Variants in DOCK5 observed in about 807,000 individuals in gnomAD.
DOCK5 encodes the protein dedicator of cytokinesis protein 5.
In DOCK5, 142 loss-of-function variants were observed where a neutral mutation model predicts 251.8. The ratio of observed to expected loss-of-function variants is 0.56; its 90% CI spans 0.49 to 0.65. The LOEUF (loss-of-function observed/expected upper bound fraction) is 0.65, where lower values mean the gene tolerates loss of function less well. Ranked by LOEUF, DOCK5 falls within the 30% of genes least tolerant of loss-of-function variation. DOCK5 has a pLI of 0.00. For missense variants in DOCK5, 2,111 were observed against 2,312.3 expected, an observed-to-expected ratio of 0.91 and a Z score of 1.79; for synonymous variants, 842 against 835.5, an observed-to-expected ratio of 1.01 and a Z score of -0.13.
intron 1 of DOCK5, among the ~76,000 whole-genome samples, chr8:25,234,736 A>G (rs1333900158): frequency 6.6e-6 from 1 of 152,204 alleles, no homozygotes; most frequent in African/African-American, 2.4e-5. Flanking sequence ...GAAATGGTGA[A>G]TGTATTAAAA....
intron 5 of DOCK5, among the ~76,000 whole-genome samples, chr8:25,281,872 C>G (rs1489947920): frequency 8.8e-6 from 1 of 113,868 alleles, no homozygotes; most frequent in African/African-American, 3.4e-5. Context: ...GAGGGAGACT[C>G]CGTTTAAAAA....
In DOCK5 at chr8:25,302,355, C is replaced by T. The variant is rs757595575; in HGVS notation, c.877C>T (p.Arg293Cys). Residue 293 changes from arginine (R) to cysteine (C), a missense_variant, in exon 10 of 52, where the codon CGC becomes TGC. By Grantham distance (180) the Arg-to-Cys change is radical. This residue lies in a region of DOCK5 where 59 missense variants were observed against 95.0 expected (regional missense o/e 0.62). Coordinates refer to ENST00000276440, the MANE Select transcript of DOCK5 (RefSeq NM_024940.8). The stretch of plus-strand genomic sequence containing the variant: ...TAGCAGCATGGACCTCATCCGGCCC[C>T]GCGTCAGCCTTGTGTGCCAGATTGT... ...DLSSMDLIRP[R>C]VSLVCQIVRV... 6.2e-6 allele frequency: 10 copies of T among 1,613,284 alleles called. No individual in the cohort carries two copies. The highest frequency in any genetic ancestry group is 2.2e-5 in the South Asian group (2 of 90,918).
chr8:25,326,570 T>A (rs891403139), intron 18 of DOCK5, among the ~76,000 whole-genome samples: 1 of 152,100 alleles, frequency 6.6e-6, no homozygotes, highest in Non-Finnish European at 1.5e-5. Context: ...GACAAAACCG[T>A]CAGCAACATA....
intron 2 of DOCK5, among the ~76,000 whole-genome samples, chr8:25,251,101 C>G (rs1803257480): frequency 6.6e-6 from 1 of 152,282 alleles, no homozygotes; most frequent in East Asian, 1.9e-4. Flanking sequence ...TGAGGTTCCT[C>G]TAGTGCTGGT....
intron 18 of DOCK5, 83 bp from the exon 19 acceptor site, chr8:25,332,168 G>C: frequency 9.7e-7 from 1 of 1,027,058 alleles, no homozygotes; most frequent in Non-Finnish European, 1.5e-6. Context: ...GCAATTACCT[G>C]TTCTAGAGAA....
chr8:25,277,857 A>C (rs1804087666), intron 4 of DOCK5, among the ~76,000 whole-genome samples: 1 of 152,126 alleles, frequency 6.6e-6, no homozygotes, highest in African/African-American at 2.4e-5. Flanking sequence ...GGTCTCCTAT[A>C]TTTTTCCTCA....
intron 26 of DOCK5, chr8:25,351,501 C>A (rs1210636092): frequency 4.2e-6 from 2 of 477,390 alleles, no homozygotes; most frequent in Non-Finnish European, 7.5e-6. Flanking sequence ...AGGCACTCAT[C>A]CCTGCACAGC....
intron 33 of DOCK5, 95 bp downstream of exon 33, chr8:25,368,820 T>C (rs1269307463): frequency 7.9e-7 from 1 of 1,264,948 alleles, no homozygotes; most frequent in Non-Finnish European, 1.1e-6. Context: ...ACCTTAATAA[T>C]GCAAGTCCAT....
intron 22 of DOCK5, among the ~76,000 whole-genome samples, chr8:25,338,583 T>A (rs1325507951): frequency 6.6e-6 from 1 of 152,310 alleles, no homozygotes; most frequent in African/African-American, 2.4e-5. Context: ...AAGTGGGCAG[T>A]GTTTTCCCCA....
intron 30 of DOCK5, 102 bp downstream of exon 30, chr8:25,364,806 G>A (rs1480074012): frequency 2.3e-6 from 2 of 863,950 alleles, no homozygotes; most frequent in African/African-American, 3.4e-5. Context: ...GTTTTCACAT[G>A]AAAAAGGTTT....
At chr8:25,280,028 G>A (rs1464637840) in intron 5 of DOCK5, among the ~76,000 whole-genome samples, 1 of 152,218 alleles carries the variant, frequency 6.6e-6, no homozygotes, top group Non-Finnish European at 1.5e-5. Context: ...GCCTCCCAAA[G>A]TGTTGGGATT....
intron 40 of DOCK5, 153 bp from the exon 41 acceptor site, chr8:25,388,938 C>T (rs1373991052): frequency 1.1e-5 from 7 of 663,164 alleles, no homozygotes; most frequent in Admixed American, 2.9e-5. Context: ...ATATGATGGT[C>T]GCTGTCAGGC....
chr8:25,259,732 A>T (rs1803521702), intron 2 of DOCK5, among the ~76,000 whole-genome samples: 1 of 152,072 alleles, frequency 6.6e-6, no homozygotes, highest in Non-Finnish European at 1.5e-5. Flanking sequence ...AAGTGGTGGG[A>T]TTACAGGTGT....
At chr8:25,332,781 T>G (rs890717508) in intron 20 of DOCK5, 89 bp downstream of exon 20, 3 of 952,400 alleles carry the variant, frequency 3.1e-6, no homozygotes, top group East Asian at 2.7e-5. Context: ...TGTGAATATC[T>G]TCTCACATAA....
At chr8:25,382,907 A>T (rs909159278) in intron 40 of DOCK5, 129 bp downstream of exon 40, 1 of 726,496 alleles carries the variant, frequency 1.4e-6, no homozygotes, top group Non-Finnish European at 2.2e-6. Flanking sequence ...GGGGAGGGAA[A>T]CCACTTCCTG....
chr8:25,237,107 C>T (rs963312511), intron 1 of DOCK5, among the ~76,000 whole-genome samples: 16 of 152,170 alleles, frequency 1.1e-4, no homozygotes, highest in African/African-American at 3.6e-4. Context: ...TGTCCCATGC[C>T]TGTAATCTGA....
At chr8:25,344,859 A>C (rs150685811) in intron 25 of DOCK5, among the ~76,000 whole-genome samples, 124 of 152,352 alleles carry the variant, frequency 8.1e-4, no homozygotes, top group African/African-American at 2.8e-3. Flanking sequence ...AGTTCTACTT[A>C]GAGTGTGATC....
rs1434857352 is a variant in DOCK5, at chr8:25,185,116, G to A, written c.43+165G>A. On this transcript the variant is annotated intron_variant, in intron 1 of 51. Transcript: ENST00000276440. ...ACGGTAGGAGTCCTCTCCAGGGAGCGCCGATGGGGAAGTCGCCCAGGGTTT... is the reference window on the plus strand; with the variant it reads ...ACGGTAGGAGTCCTCTCCAGGGAGCACCGATGGGGAAGTCGCCCAGGGTTT... Among the ~76,000 whole-genome samples the A allele has an allele frequency of 2.6e-5, 4 of 152,136 alleles. No homozygotes were observed. The East Asian group carries it at 7.7e-4, about 29-fold the overall frequency.
chr8:25,360,095 C>A (rs1800649938), intron 28 of DOCK5, among the ~76,000 whole-genome samples: 1 of 152,206 alleles, frequency 6.6e-6, no homozygotes, highest in Admixed American at 6.5e-5. Context: ...GTACTCCAGT[C>A]TCTTTGTTCT....
Sources: gnomAD v4.1 joint callset for allele counts (sites outside exome capture counted in the v4.1 genomes callset) on GRCh38, gnomAD v4.1.1 for gene constraint, gnomAD v4.1.1 regional missense constraint, MANE v1.5 for transcripts, NCBI Gene and HGNC (gene_info 2026-07-23, HGNC 2026-07-21) for gene names.